LCOR: variants seen among roughly 807,000 people sequenced by gnomAD.
LCOR encodes the protein ligand dependent nuclear receptor corepressor, also known as ligand-dependent corepressor.
LCOR carries 14 observed loss-of-function variants against 64.4 expected under a neutral mutation model. The observed-to-expected ratio is 0.22, with a 90% confidence interval of 0.14 to 0.34. The LOEUF (loss-of-function observed/expected upper bound fraction) is 0.34. Among genes scored for constraint, LCOR ranks in the 10% least tolerant of loss-of-function variants. The probability of loss-of-function intolerance (pLI) is 1.00; values close to 1 mark genes in which losing one functional copy is unlikely to be tolerated. For missense variants in LCOR, 1,686 were observed against 1,765.3 expected (o/e 0.96, Z 0.80); for synonymous variants, 643 against 642.5 (o/e 1.00, Z -0.01).
At chr10:96,929,064 A>G (rs1284367703) in intron 4 of LCOR, among the ~76,000 whole-genome samples, 1 of 152,210 alleles carries the variant, frequency 6.6e-6, no homozygotes, top group Non-Finnish European at 1.5e-5. Context: ...AGTACAGGCA[A>G]TGTAGAGTTA....
intron 7 of LCOR, chr10:96,956,634 T>G (rs1408357000): frequency 1.0e-6 from 1 of 985,776 alleles, no homozygotes; most frequent in East Asian, 1.1e-4. Flanking sequence ...AGTTAATTAC[T>G]TTGAACACTA....
intron 2 of LCOR, among the ~76,000 whole-genome samples, chr10:96,838,909 T>C (rs1464731515): frequency 2.6e-5 from 4 of 152,270 alleles, no homozygotes; most frequent in African/African-American, 9.6e-5. Flanking sequence ...AATTGTTTCC[T>C]AAAGTGGCTA....
At chr10:96,879,958 C>T (rs1389454523) in intron 2 of LCOR, among the ~76,000 whole-genome samples, 10 of 152,122 alleles carry the variant, frequency 6.6e-5, no homozygotes, top group Admixed American at 1.3e-4. Context: ...CCACCGTGCC[C>T]GGCCGATACT....
chr10:96,922,648 A>G (rs1847100106), intron 4 of LCOR, among the ~76,000 whole-genome samples: 1 of 152,230 alleles, frequency 6.6e-6, no homozygotes, highest in Non-Finnish European at 1.5e-5. Flanking sequence ...ATAGAGGCAT[A>G]AAGAAATGCT....
chr10:96,891,859 A>T (rs1325022298), intron 2 of LCOR, among the ~76,000 whole-genome samples: 2 of 151,836 alleles, frequency 1.3e-5, no homozygotes, highest in African/African-American at 4.8e-5. Flanking sequence ...TACTTTTTTG[A>T]GTAACTATTT....
At chr10:96,942,774 T>G (rs1383971949) in intron 4 of LCOR, among the ~76,000 whole-genome samples, 1 of 152,224 alleles carries the variant, frequency 6.6e-6, no homozygotes, top group Admixed American at 6.5e-5. Flanking sequence ...GTCTTCAATG[T>G]GTTGTTTAAT....
chr10:96,895,451 A>T (rs936086280), intron 2 of LCOR, among the ~76,000 whole-genome samples: 7 of 152,172 alleles, frequency 4.6e-5, no homozygotes, highest in Non-Finnish European at 1.0e-4. Flanking sequence ...GGCTGTTGTC[A>T]TAATAGTCTC....
intron 2 of LCOR, among the ~76,000 whole-genome samples, chr10:96,891,819 A>G (rs554958451): frequency 6.6e-6 from 1 of 152,178 alleles, no homozygotes; most frequent in African/African-American, 2.4e-5. Flanking sequence ...CTGGGATTAC[A>G]GGTGTGAGCC....
At chr10:96,965,810 A>AT (rs1313173183) in intron 7 of LCOR, among the ~76,000 whole-genome samples, 2 of 152,040 alleles carry the variant, frequency 1.3e-5, no homozygotes, top group Non-Finnish European at 2.9e-5. Context: ...CTTAATCAAG[A>AT]TTTTTTAAGA....
chr10:96,891,581 C>T (rs1428339871), intron 2 of LCOR, among the ~76,000 whole-genome samples: 5 of 120,862 alleles, frequency 4.1e-5, no homozygotes, highest in African/African-American at 6.5e-5. Context: ...GGGTCTCTGT[C>T]GCCCACACTG....
intron 2 of LCOR, among the ~76,000 whole-genome samples, chr10:96,866,442 A>G (rs1301824345): frequency 6.6e-6 from 1 of 152,190 alleles, no homozygotes; most frequent in Non-Finnish European, 1.5e-5. Context: ...GGGCTGTTAT[A>G]AATAATGCTG....
intron 2 of LCOR, among the ~76,000 whole-genome samples, chr10:96,853,513 G>C (rs1845753670): frequency 6.6e-6 from 1 of 152,190 alleles, no homozygotes; most frequent in African/African-American, 2.4e-5. Context: ...TCAAGAGTTT[G>C]AGGTTCAGCT....
At chr10:96,896,209 G>A (rs1846533881) in intron 2 of LCOR, among the ~76,000 whole-genome samples, 1 of 152,244 alleles carries the variant, frequency 6.6e-6, no homozygotes, top group South Asian at 2.1e-4. Flanking sequence ...GTATTTAGAG[G>A]CGTGTGGGTT....
At chr10:96,974,806 G>T (rs947502105) in intron 7 of LCOR, among the ~76,000 whole-genome samples, 3 of 152,174 alleles carry the variant, frequency 2.0e-5, no homozygotes, top group African/African-American at 7.2e-5. Context: ...AATAGTAATA[G>T]AATTAAATAT....
chr10:96,920,530 ATATATGTATG>A (rs1240277086), intron 4 of LCOR, among the ~76,000 whole-genome samples: 1 of 144,284 alleles, frequency 6.9e-6, no homozygotes, highest in Non-Finnish European at 1.5e-5. Context: ...ATATATGTGT[ATATATGTATG>A]TATATTCATA....
chr10:96,916,889 A>G (rs1183186775), intron 4 of LCOR, among the ~76,000 whole-genome samples: 2 of 152,236 alleles, frequency 1.3e-5, no homozygotes, highest in African/African-American at 4.8e-5. Context: ...TGCTGGGATT[A>G]CAGGCGTGAG....
chr10:96,950,158 T>A (rs2134524361), intron 6 of LCOR, among the ~76,000 whole-genome samples: 1 of 152,310 alleles, frequency 6.6e-6, no homozygotes, highest in East Asian at 1.9e-4. Flanking sequence ...ACAGAAAGGT[T>A]ACGAGATTTA....
At chr10:96,868,144 A>C (rs1846006811) in intron 2 of LCOR, among the ~76,000 whole-genome samples, 1 of 152,162 alleles carries the variant, frequency 6.6e-6, no homozygotes, top group Non-Finnish European at 1.5e-5. Flanking sequence ...TCGGCCTCCC[A>C]AAGTGCTGGG....
At position 96,832,412 on chromosome 10, in the gene LCOR, GCCGACCGCCGCCGCCCCT is replaced by G. The variant is rs1246234224; in HGVS notation, c.-404+17_-404+34del. 1.1e-5 allele frequency: 11 copies of G among 960,816 alleles called. No homozygotes were observed. The South Asian group carries it at 1.4e-4, about 12-fold the overall frequency. The allele number at this position is 960,816 out of a possible 1,614,324, so 59.5% of individuals were successfully genotyped here. ...ATTCACTGTGTAGGTGAGACCCTCC[GCCGACCGCCGCCGCCCCT>G]CCGGCCGCCCCGCCGCCGGTCGCCC... On this transcript the variant is annotated intron_variant, in intron 1 of 7. Coordinates refer to ENST00000421806, the MANE Select transcript of LCOR (RefSeq NM_001346516.2).
Sources: allele counts gnomAD v4.1 joint callset (sites outside exome capture counted in the v4.1 genomes callset), GRCh38; gene constraint gnomAD v4.1.1; transcripts MANE v1.5; gene names NCBI Gene and HGNC (gene_info 2026-07-23, HGNC 2026-07-21).